The following SUN1 variants were observed in gnomAD, a reference collection of about 807,000 sequenced individuals.
The protein encoded by SUN1 is SUN domain-containing protein 1.
Under a neutral mutation model 103.2 loss-of-function variants are expected in SUN1, and 61 were observed. The observed-to-expected ratio is 0.59, with a 90% CI of 0.48 to 0.73. The LOEUF (loss-of-function observed/expected upper bound fraction) is 0.73. Ranked by LOEUF, SUN1 falls within the 30% of genes least tolerant of loss-of-function variation. The pLI is 0.00. For missense variants in SUN1, 1,052 were observed against 1,034.6 expected, an observed-to-expected ratio of 1.02 and a Z score of -0.23; for synonymous variants, 490 against 425.7, an observed-to-expected ratio of 1.15 and a Z score of -1.86.
At chr7:863,873 A>G (rs1351639942) in intron 15 of SUN1, among the ~76,000 whole-genome samples, 2 of 152,244 alleles carry the variant, frequency 1.3e-5, no homozygotes, top group African/African-American at 4.8e-5. Context: ...GTAAGTAAAA[A>G]TTGTGTGTCC....
chr7:848,497 A>G (rs1170570997), intron 5 of SUN1: 9 of 1,364,244 alleles, frequency 6.6e-6, no homozygotes, highest in South Asian at 4.6e-5. Context: ...TTTTAGTTCA[A>G]CTTTTTCAAG....
At chr7:836,781 C>T (rs1038887119) in intron 1 of SUN1, among the ~76,000 whole-genome samples, 2 of 152,192 alleles carry the variant, frequency 1.3e-5, no homozygotes, top group African/African-American at 2.4e-5. Flanking sequence ...CGCCCAAGGC[C>T]CAGTCAGGTT....
At chr7:836,488 C>T (rs1803341872) in intron 1 of SUN1, among the ~76,000 whole-genome samples, 1 of 152,136 alleles carries the variant, frequency 6.6e-6, no homozygotes, top group Non-Finnish European at 1.5e-5. Context: ...AGTCCAGAGG[C>T]CCAAGACCCA....
chr7:859,978 AAATTT>A, intron 13 of SUN1, 145 bp from the exon 14 acceptor site: 1 of 1,087,238 alleles, frequency 9.2e-7, no homozygotes, highest in Non-Finnish European at 1.3e-6. Context: ...AGGGGTTATT[AAATTT>A]AATATGAAGG....
chr7:855,741 C>T (rs532590826), intron 11 of SUN1, among the ~76,000 whole-genome samples: 20 of 152,216 alleles, frequency 1.3e-4, no homozygotes, highest in Non-Finnish European at 2.4e-4. Context: ...CGAGGGTCTG[C>T]GGGGCGCCTC....
At position 832,507 on chromosome 7, in the gene SUN1, T is replaced by A. The variant is rs750883767; in HGVS notation, c.-18T>A. On this transcript the variant is annotated 5_prime_UTR_variant, in exon 1 of 19. An upstream start codon of the reference 5' UTR is lost. Transcript: ENST00000401592. ...CATTTCTTTCCCGCCCTCTGCAGTA[T>A]GGTTTGAAGTGGTGAACATGGATTT... 1.9e-6 allele frequency: 3 copies of A among 1,611,570 alleles called. No individual in the cohort carries two copies. In the Admixed American group the frequency reaches 5.0e-5, roughly 27 times the overall value.
At chr7:842,154 T>C (rs762322593) in intron 3 of SUN1, 24 bp downstream of exon 3, 82 of 1,603,862 alleles carry the variant, frequency 5.1e-5, no homozygotes, top group Middle Eastern at 1.7e-4. Context: ...AGACACAGAT[T>C]GTCCCGCCTA....
chr7:816,206 C>T, upstream of SUN1: 1 of 272,386 alleles, frequency 3.7e-6, no homozygotes, highest in Non-Finnish European at 6.8e-6. Flanking sequence ...AGGTGCAGAC[C>T]CCTCCCCCAG....
chr7:866,603 C>T (rs891195786), intron 16 of SUN1, among the ~76,000 whole-genome samples: 4 of 136,834 alleles, frequency 2.9e-5, no homozygotes, highest in African/African-American at 1.1e-4. Context: ...CCCGGGCCTT[C>T]GCCCCCACTG....
At chr7:849,427 A>G (rs917296706) in intron 5 of SUN1, 12 of 980,364 alleles carry the variant, frequency 1.2e-5, no homozygotes, top group African/African-American at 5.0e-5. Context: ...CTAGCCTTGC[A>G]CATCCTCTGA....
In SUN1 at chr7:866,067, G is replaced by A. The variant is rs370221617; in HGVS notation, c.1980G>A (p.Gln660=). The A allele has an allele frequency of 1.2e-6, 2 of 1,613,920 alleles. No individual in the cohort carries two copies. The highest frequency in any genetic ancestry group is 1.7e-6 in the Non-Finnish European group (2 of 1,179,858). ...CGCAGTCCCCGCGCGTGGTCATCCA[G>A]GTGAGTGGCCGCCGGTGGCCGGAGC... ...YFSQSPRVVI[Q]PDIYPGNCWA... Residue 660 remains glutamine (Q), a splice_region_variant and synonymous_variant, in exon 16 of 19, where the codon CAG becomes CAA. Transcript: ENST00000401592.
intron 1 of SUN1, among the ~76,000 whole-genome samples, chr7:825,289 C>T (rs981604659): frequency 2.0e-5 from 3 of 152,202 alleles, no homozygotes; most frequent in African/African-American, 4.8e-5. Flanking sequence ...GTCTTGATCT[C>T]CTGACCTTGT....
At chr7:858,709 C>T (rs901144503) in intron 13 of SUN1, among the ~76,000 whole-genome samples, 1 of 152,178 alleles carries the variant, frequency 6.6e-6, no homozygotes, top group Non-Finnish European at 1.5e-5. Flanking sequence ...TTTAGAGCTG[C>T]TTAAGAATGA....
intron 18 of SUN1, 67 bp from the exon 19 acceptor site, chr7:873,148 G>C: frequency 7.2e-7 from 1 of 1,390,370 alleles, no homozygotes; most frequent in Non-Finnish European, 1.0e-6. Context: ...TCATATTTGG[G>C]GAAGTGATTG....
chr7:869,982 T>A (rs1052119427), intron 17 of SUN1, among the ~76,000 whole-genome samples: 3 of 150,600 alleles, frequency 2.0e-5, no homozygotes, highest in Non-Finnish European at 4.4e-5. Flanking sequence ...TCACCTGAGG[T>A]CGGGAGTTCG....
At chr7:846,681 G>C (rs1816142366) in intron 5 of SUN1, among the ~76,000 whole-genome samples, 1 of 152,034 alleles carries the variant, frequency 6.6e-6, no homozygotes, top group South Asian at 2.1e-4. Flanking sequence ...TTTGAGACCA[G>C]CCTGGGCAAC....
rs772085995 is a variant in SUN1, at chr7:856,441, T to C, written c.1394+40T>C. On this transcript the variant is annotated intron_variant, in intron 12 of 18. Transcript: ENST00000401592. The stretch of plus-strand genomic sequence containing the variant: ...AAAACATTCACTTTTGTCTTCGGTG[T>C]GTGTGTGTGGTTATGTGGAGCGGCA... 8 of 1,610,862 alleles carry C rather than the reference T, an allele frequency of 5.0e-6. No homozygotes were observed. The African/African-American group carries it at 1.1e-4, about 22-fold the overall frequency.
At chr7:825,482 G>A (rs1790858603) in intron 1 of SUN1, among the ~76,000 whole-genome samples, 1 of 152,192 alleles carries the variant, frequency 6.6e-6, no homozygotes, top group Non-Finnish European at 1.5e-5. Flanking sequence ...CTCAAATCTA[G>A]TGTTATTTTT....
intron 15 of SUN1, among the ~76,000 whole-genome samples, chr7:861,729 G>T (rs938125340): frequency 6.6e-6 from 1 of 152,208 alleles, no homozygotes; most frequent in African/African-American, 2.4e-5. Flanking sequence ...AAGTGTGCTC[G>T]ACTGTTCACT....
Sources: allele counts gnomAD v4.1 joint callset (sites outside exome capture counted in the v4.1 genomes callset), GRCh38; gene constraint gnomAD v4.1.1; transcripts MANE v1.5; gene names NCBI Gene and HGNC (gene_info 2026-07-23, HGNC 2026-07-21).